SYNM: variants seen among roughly 807,000 people sequenced by gnomAD.
SYNM encodes synemin.
SYNM carries 95 observed loss-of-function variants against 104.0 expected under a neutral mutation model. The observed-to-expected ratio is 0.91, with a 90% confidence interval of 0.77 to 1.08. SYNM has a LOEUF of 1.08. Among genes scored for constraint, SYNM ranks in the 50% least tolerant of loss-of-function variants. The pLI, the probability that SYNM is intolerant of heterozygous loss-of-function variation, is 0.00. For missense variants in SYNM, 2,150 were observed against 2,052.2 expected (o/e 1.05, Z -0.92); for synonymous variants, 918 against 869.0 (o/e 1.06, Z -0.99).
rs2067515903 is a variant in SYNM, at chr15:99,132,095, G to A, written c.3735G>A (p.Lys1245=). Residue 1245 remains lysine, a synonymous_variant, in exon 4 of 4, where the codon AAG becomes AAA. Transcript: ENST00000336292. ...IFQGPISAAG[K]VGDYFATEES... ...AGGGCCCCATTTCTGCTGCAGGGAA[G>A]GTTGGTGATTATTTTGCAACAGAAG... 6.2e-7 allele frequency: 1 copy of A among 1,613,872 alleles called. No homozygotes were observed. Among genetic ancestry groups the A allele is most frequent in the Non-Finnish European group, 8.5e-7 (1 of 1,179,910 alleles).
Position 99,130,575 on chromosome 15 carries a change from G to A in SYNM, c.2215G>A (p.Gly739Arg), listed in dbSNP as rs1555485630. 3.7e-6 allele frequency: 6 copies of A among 1,613,686 alleles called. No homozygotes were observed. Residue 739 changes from glycine to arginine, a missense_variant, in exon 4 of 4, where the codon GGG (glycine) becomes AGG (arginine). Gly to Arg is a moderately radical substitution (Grantham distance 125, BLOSUM62 -2). Transcript: ENST00000336292. ...CAACCTCGGCCTGAAAGGGAGGGAG[G>A]GGAGAGCAAAGGTCGTCAACGTGGA... ...IINLGLKGREGRAKVVNVEIV... is the reference protein window; with the variant it reads ...IINLGLKGRERRAKVVNVEIV...
intron 2 of SYNM, among the ~76,000 whole-genome samples, chr15:99,125,364 T>A (rs1467906880): frequency 6.6e-6 from 1 of 152,226 alleles, no homozygotes; most frequent in Admixed American, 6.5e-5. Context: ...CAATGCTTGG[T>A]CATGAGGGCG....
downstream of SYNM, chr15:99,136,536 ATGG>A (rs1210307609): frequency 6.6e-6 from 1 of 152,188 alleles, no homozygotes; most frequent in Non-Finnish European, 1.5e-5. Flanking sequence ...GTGTCCTCAC[ATGG>A]TGGAGAGAGA....
At chr15:99,111,074 T>C (rs782210715) in intron 1 of SYNM, among the ~76,000 whole-genome samples, 20 of 152,380 alleles carry the variant, frequency 1.3e-4, no homozygotes, top group Non-Finnish European at 2.5e-4. Flanking sequence ...ACTGTACTTA[T>C]TCCAACTTCA....
At chr15:99,115,717 G>A (rs11634417) in intron 2 of SYNM, among the ~76,000 whole-genome samples, 25,421 of 152,020 alleles carry the variant, frequency 0.17, 2,256 homozygotes, top group East Asian at 0.31. Context: ...CCACCTCGCC[G>A]CCACAAAGTG....
intron 2 of SYNM, among the ~76,000 whole-genome samples, chr15:99,120,113 C>T (rs782371168): frequency 4.6e-5 from 7 of 152,172 alleles, no homozygotes; most frequent in Admixed American, 1.3e-4. Context: ...TTACTTAAAA[C>T]GTTACACAAC....
rs1424180710 is a variant in SYNM, at chr15:99,129,988, CAA to C, written c.1630_1631del (p.Lys544ValfsTer3). 1 of 1,612,268 alleles carries C rather than the reference CAA, an allele frequency of 6.2e-7. No homozygotes were observed. The highest frequency in any genetic ancestry group is 8.5e-7 in the Non-Finnish European group (1 of 1,179,166). ...AGAAACCTAAGATGGGAAGAATTGA[CAA>C]AGTTAGATAAGGAAGCGAGACAGAG... On this transcript the variant is annotated frameshift_variant, in exon 4 of 4. Transcript: ENST00000336292. LOFTEE classifies it high-confidence loss of function.
At chr15:99,140,141 G>A, downstream of SYNM, 1 of 178,494 alleles carries the variant, frequency 5.6e-6, no homozygotes, top group African/African-American at 2.4e-5. Context: ...AAAGACCAGT[G>A]GAACAGGGCA....
intron 2 of SYNM, among the ~76,000 whole-genome samples, chr15:99,122,984 G>A (rs1439263137): frequency 6.6e-6 from 1 of 152,178 alleles, no homozygotes; most frequent in Non-Finnish European, 1.5e-5. Flanking sequence ...TTAGTTAGCT[G>A]GAAATCAGTT....
chr15:99,132,909 AG>A lies in SYNM; in HGVS notation c.4550del (p.Arg1517LysfsTer20). ...ASAGEGDQAH[R>X]EQGKEQAMFD... ...TGCTGGGGAAGGAGACCAGGCCCACAGAGAACAGGGCAAGGAGCAGGCCATG... is the reference window on the plus strand; with the variant it reads ...TGCTGGGGAAGGAGACCAGGCCCACAAGAACAGGGCAAGGAGCAGGCCATG... On this transcript the variant is annotated frameshift_variant, in exon 4 of 4. Coordinates refer to ENST00000336292, the MANE Select transcript of SYNM (RefSeq NM_145728.3). LOFTEE classifies it high-confidence loss of function. 6.2e-7 allele frequency: 1 copy of A among 1,613,974 alleles called. No individual in the cohort carries two copies. The highest frequency in any genetic ancestry group is 8.5e-7 in the Non-Finnish European group (1 of 1,179,884).
rs141776398 is a variant in SYNM, at chr15:99,130,941, A to G, written c.2581A>G (p.Ile861Val). ...GQIHIEEEST[I>V]RYSWQDEIVQ... is the part of the protein sequence containing the mutation. Reference sequence around the variant, plus strand: ...GATCCACATCGAGGAGGAATCCACCATCAGGTACTCTTGGCAGGATGAAAT... The same window carrying G: ...GATCCACATCGAGGAGGAATCCACCGTCAGGTACTCTTGGCAGGATGAAAT... Residue 861 changes from isoleucine (I) to valine (V), a missense_variant, in exon 4 of 4, where the codon ATC becomes GTC. Coordinates refer to ENST00000336292, the MANE Select transcript of SYNM (RefSeq NM_145728.3). The G allele has an allele frequency of 1.2e-6, 2 of 1,613,850 alleles. No individual in the cohort carries two copies. The highest frequency in any genetic ancestry group is 1.7e-6 in the Non-Finnish European group (2 of 1,179,826).
At chr15:99,127,515 C>T (rs1304812655) in intron 3 of SYNM, among the ~76,000 whole-genome samples, 1 of 152,160 alleles carries the variant, frequency 6.6e-6, no homozygotes, top group East Asian at 1.9e-4. Flanking sequence ...GAGTTCACAC[C>T]TTAGGCAGCA....
intron 3 of SYNM, among the ~76,000 whole-genome samples, chr15:99,128,125 A>G (rs894352241): frequency 6.6e-6 from 1 of 152,244 alleles, no homozygotes; most frequent in Non-Finnish European, 1.5e-5. Context: ...AAGCTTTAGA[A>G]TAAAAATTAC....
chr15:99,138,114 C>G (rs782068752), downstream of SYNM: 1 of 1,612,628 alleles, frequency 6.2e-7, no homozygotes, highest in African/African-American at 1.3e-5. Flanking sequence ...GGCTTCGAAG[C>G]AACCTTGGGG....
At chr15:99,106,948 CTT>C (rs782229397) in intron 1 of SYNM, among the ~76,000 whole-genome samples, 5 of 152,184 alleles carry the variant, frequency 3.3e-5, no homozygotes, top group East Asian at 3.8e-4. Context: ...TTGAGACTGA[CTT>C]TTAAAAATTA....
chr15:99,126,138 C>T (rs62023639), intron 2 of SYNM, among the ~76,000 whole-genome samples: 18,669 of 152,156 alleles, frequency 0.12, 1,655 homozygotes, highest in African/African-American at 0.26. Context: ...CTACCTTTTC[C>T]GTCTGCCTGC....
In SYNM at chr15:99,135,057, G is replaced by A. The variant is rs1555486532; in HGVS notation, c.*1999G>A. 6.6e-6 allele frequency: 1 copy of A among 152,322 alleles called. No homozygotes were observed. Among genetic ancestry groups the A allele is most frequent in the East Asian group, 1.9e-4 (1 of 5,196 alleles). 9.4% of individuals were successfully genotyped at this position (152,322 alleles called of 1,614,324 possible). A position where few individuals can be genotyped will look rare whatever the true frequency, so the allele number is the denominator to read the frequency against. On this transcript the variant is annotated 3_prime_UTR_variant, in exon 4 of 4. Transcript: ENST00000336292. ...CAGACTGGTGGTGAGGAGTCTAAGT[G>A]GGCTCAGTTTGATGTCAGTGTCTGG... is the stretch of plus-strand genomic sequence containing the variant.
Position 99,131,076 on chromosome 15 carries a change from C to T in SYNM, c.2716C>T (p.His906Tyr), listed in dbSNP as rs1555485746. The change falls in exon 4 of 4, where the codon CAC becomes TAC. Residue 906 changes from histidine (H) to tyrosine (Y), a missense_variant. Physicochemically the swap from His to Tyr is moderately conservative, Grantham distance 83. Coordinates refer to ENST00000336292, the MANE Select transcript of SYNM (RefSeq NM_145728.3). The surrounding 1 kb of genome is among the most constrained non-coding windows in gnomAD (Gnocchi z 4.3). ...TCTGGAGGGGGACCTGGGTTCCACTCACTGGAAAGAACAAGCTAGAAGCGG... is the reference window on the plus strand; with the variant it reads ...TCTGGAGGGGGACCTGGGTTCCACTTACTGGAAAGAACAAGCTAGAAGCGG... Reference protein sequence around the residue: ...PSLEGDLGSTHWKEQARSGEF... With the variant: ...PSLEGDLGSTYWKEQARSGEF... 1 of 1,605,476 alleles carries T rather than the reference C, an allele frequency of 6.2e-7. No individual in the cohort carries two copies. Among genetic ancestry groups the T allele is most frequent in the South Asian group, 1.1e-5 (1 of 89,716 alleles).
chr15:99,124,271 A>T (rs892022571), intron 2 of SYNM, among the ~76,000 whole-genome samples: 14 of 152,230 alleles, frequency 9.2e-5, no homozygotes, highest in African/African-American at 2.9e-4. Flanking sequence ...CTTTAGAGGA[A>T]GTCGTGGTTT....
Sources: allele counts gnomAD v4.1 joint callset (sites outside exome capture counted in the v4.1 genomes callset), GRCh38; gene constraint gnomAD v4.1.1; non-coding constraint Gnocchi (gnomAD v3.1); transcripts MANE v1.5; gene names NCBI Gene and HGNC (gene_info 2026-07-23, HGNC 2026-07-21).